The following SGCZ variants were observed in gnomAD, a reference collection of about 807,000 sequenced individuals.
SGCZ encodes the protein sarcoglycan zeta, also known as zeta-sarcoglycan.
SGCZ carries 40 observed loss-of-function variants against 41.3 expected under a neutral mutation model. The ratio of observed to expected loss-of-function variants is 0.97; its 90% confidence interval spans 0.75 to 1.26. The LOEUF (loss-of-function observed/expected upper bound fraction) is 1.26, where lower values mean the gene tolerates loss of function less well. SGCZ is among the 50% of genes most tolerant of loss of function. The pLI is 0.00. For synonymous variants in SGCZ, 206 were observed against 137.5 expected (o/e 1.50, Z -3.49); for missense variants, 552 against 369.8 (o/e 1.49, Z -4.04).
chr8:14,496,253 G>A (rs1200371003), intron 2 of SGCZ, among the ~76,000 whole-genome samples: 1 of 151,638 alleles, frequency 6.6e-6, no homozygotes, highest in African/African-American at 2.4e-5. Context: ...TTTTTTTGGA[G>A]AGACAAAAAT....
At chr8:14,849,962 T>G (rs1803256752) in intron 1 of SGCZ, among the ~76,000 whole-genome samples, 1 of 152,170 alleles carries the variant, frequency 6.6e-6, no homozygotes, top group African/African-American at 2.4e-5. Flanking sequence ...AAACATAAAT[T>G]TTGGTTTCTT....
intron 3 of SGCZ, chr8:14,309,097 G>C: frequency 1.4e-6 from 2 of 1,447,252 alleles, no homozygotes; most frequent in Non-Finnish European, 1.9e-6. Flanking sequence ...CTCATCAGGA[G>C]GTTGCTAACC....
chr8:14,444,721 G>C (rs986361524), intron 2 of SGCZ, among the ~76,000 whole-genome samples: 4 of 151,666 alleles, frequency 2.6e-5, no homozygotes, highest in African/African-American at 9.7e-5. Flanking sequence ...TAAATGACGA[G>C]TTAATGGGTG....
intron 1 of SGCZ, among the ~76,000 whole-genome samples, chr8:14,965,003 T>C (rs1289689380): frequency 6.6e-6 from 1 of 152,082 alleles, no homozygotes; most frequent in African/African-American, 2.4e-5. Flanking sequence ...TCAGTTCTAA[T>C]CCACCCAGGA....
At position 14,444,487 on chromosome 8, in the gene SGCZ, A is replaced by C. The variant is rs1185171338; in HGVS notation, c.234+110245T>G. Reference sequence around the variant, plus strand: ...CCATGGAATACTATGCAGCCATAAAAAATGATGAGTTCATGTCCTTTGTAG... The same window carrying C: ...CCATGGAATACTATGCAGCCATAAACAATGATGAGTTCATGTCCTTTGTAG... On this transcript the variant is annotated intron_variant, in intron 2 of 7. Transcript: ENST00000382080. Among the ~76,000 whole-genome samples, 80 of 152,242 alleles carry C rather than the reference A, an allele frequency of 5.3e-4. 1 individual carries two copies. Among genetic ancestry groups the C allele is most frequent in the African/African-American group, 1.8e-3 (75 of 41,494 alleles).
intron 2 of SGCZ, among the ~76,000 whole-genome samples, chr8:14,371,014 T>C (rs1803889698): frequency 6.6e-6 from 1 of 151,988 alleles, no homozygotes; most frequent in African/African-American, 2.4e-5. Context: ...ATGAATAAGT[T>C]AGCATTGAAA....
At chr8:14,381,045 A>G (rs929747121) in intron 2 of SGCZ, among the ~76,000 whole-genome samples, 1 of 152,166 alleles carries the variant, frequency 6.6e-6, no homozygotes, top group Non-Finnish European at 1.5e-5. Flanking sequence ...TCAATTTCTG[A>G]CTCACATTAT....
chr8:15,156,917 C>A (rs1799347753), intron 1 of SGCZ, among the ~76,000 whole-genome samples: 1 of 147,432 alleles, frequency 6.8e-6, no homozygotes. Flanking sequence ...CGCACTCCGC[C>A]TGGGCAACAA....
intron 4 of SGCZ, among the ~76,000 whole-genome samples, chr8:14,206,767 T>C (rs1047207594): frequency 1.4e-4 from 22 of 152,174 alleles, no homozygotes. Context: ...GGAATGGCCA[T>C]GCCAGTTTAT....
intron 1 of SGCZ, among the ~76,000 whole-genome samples, chr8:14,625,294 T>C (rs1806417921): frequency 6.6e-6 from 1 of 152,214 alleles, no homozygotes; most frequent in Admixed American, 6.5e-5. Flanking sequence ...TTTCTTTCCA[T>C]GGATCATCTA....
chr8:14,463,951 T>C (rs904933598), intron 2 of SGCZ, among the ~76,000 whole-genome samples: 4 of 149,544 alleles, frequency 2.7e-5, no homozygotes, highest in Non-Finnish European at 5.9e-5. Context: ...TGAAACATCC[T>C]TGCATCCAGG....
chr8:14,778,319 G>C (rs1401717154), intron 1 of SGCZ, among the ~76,000 whole-genome samples: 1 of 152,096 alleles, frequency 6.6e-6, no homozygotes, highest in Non-Finnish European at 1.5e-5. Context: ...TTCAGAATAG[G>C]ATTTCTCAAG....
At chr8:14,390,667 G>T (rs1034149793) in intron 2 of SGCZ, among the ~76,000 whole-genome samples, 1 of 151,726 alleles carries the variant, frequency 6.6e-6, no homozygotes, top group African/African-American at 2.4e-5. Flanking sequence ...ATTTTAGGTT[G>T]ACACAAAGTG....
chr8:14,901,771 G>C (rs1039148535), intron 1 of SGCZ, among the ~76,000 whole-genome samples: 7 of 152,086 alleles, frequency 4.6e-5, no homozygotes, highest in African/African-American at 1.7e-4. Context: ...AGACTTAACA[G>C]ACTATACCAA....
At chr8:15,036,329 C>T (rs974193565) in intron 1 of SGCZ, among the ~76,000 whole-genome samples, 2 of 151,780 alleles carry the variant, frequency 1.3e-5, no homozygotes, top group Non-Finnish European at 1.5e-5. Context: ...GTAAGGAGAT[C>T]GAATCAGTAA....
intron 2 of SGCZ, among the ~76,000 whole-genome samples, chr8:14,376,954 A>C (rs1804154692): frequency 6.6e-6 from 1 of 152,240 alleles, no homozygotes; most frequent in Admixed American, 6.5e-5. Flanking sequence ...TTTCTAACAC[A>C]GAACTTCTAA....
chr8:14,454,753 G>C (rs1009756103), intron 2 of SGCZ, among the ~76,000 whole-genome samples: 1 of 152,126 alleles, frequency 6.6e-6, no homozygotes, highest in Admixed American at 6.6e-5. Context: ...TTGTATAAAG[G>C]ATAAGTGACA....
At chr8:14,802,700 G>T (rs2130507646) in intron 1 of SGCZ, among the ~76,000 whole-genome samples, 1 of 152,220 alleles carries the variant, frequency 6.6e-6, no homozygotes, top group South Asian at 2.1e-4. Flanking sequence ...ATTGCTTATT[G>T]AAACTGGTAT....
intron 2 of SGCZ, among the ~76,000 whole-genome samples, chr8:14,450,485 T>G (rs770459856): frequency 6.6e-6 from 1 of 152,194 alleles, no homozygotes; most frequent in African/African-American, 2.4e-5. Context: ...TGTGTTGAAG[T>G]ACAGTCATAT....
Sources: gnomAD v4.1 joint callset for allele counts (sites outside exome capture counted in the v4.1 genomes callset) on GRCh38, gnomAD v4.1.1 for gene constraint, MANE v1.5 for transcripts, NCBI Gene and HGNC (gene_info 2026-07-23, HGNC 2026-07-21) for gene names.